LMX1B: variants seen among roughly 807,000 people sequenced by gnomAD.
The protein encoded by LMX1B is LIM homeobox transcription factor 1 beta, also known as LIM homeobox transcription factor 1-beta.
Under a neutral mutation model 51.4 loss-of-function variants are expected in LMX1B, and 12 were observed. The observed-to-expected ratio is 0.23, with a 90% CI of 0.15 to 0.38. LMX1B has a LOEUF of 0.38. Among genes scored for constraint, LMX1B ranks in the 10% least tolerant of loss-of-function variants. The pLI, the probability that LMX1B is intolerant of heterozygous loss-of-function variation, is 1.00. For missense variants in LMX1B, 445 were observed against 571.1 expected (o/e 0.78, Z 2.25); for synonymous variants, 237 against 235.4 (o/e 1.01, Z -0.06).
intron 2 of LMX1B, among the ~76,000 whole-genome samples, chr9:126,676,862 G>A (rs1031491609): frequency 2.6e-5 from 4 of 152,194 alleles, no homozygotes; most frequent in African/African-American, 9.7e-5. Context: ...TTAAAGCTAG[G>A]CGCTTTTTAA....
Position 126,641,606 on chromosome 9 carries a change from G to A in LMX1B, c.326+26037G>A, listed in dbSNP as rs547202850. 5.3e-4 allele frequency among the ~76,000 whole-genome samples: 81 copies of A among 152,180 alleles called. 1 individual carries two copies. Among genetic ancestry groups the A allele is most frequent in the Middle Eastern group, 6.8e-3 (2 of 294 alleles). ...GTTCCTCCCTGTCTTGCCACCTCCC[G>A]CTTCTGTTCAGCAGCTCAAGTTTCT... On this transcript the variant is annotated intron_variant, in intron 2 of 7. Transcript: ENST00000373474. The surrounding 1 kb of genome is among the most constrained non-coding windows in gnomAD (Gnocchi z 4.1).
intron 6 of LMX1B, among the ~76,000 whole-genome samples, chr9:126,694,033 A>G (rs2030244418): frequency 6.6e-6 from 1 of 152,228 alleles, no homozygotes; most frequent in South Asian, 2.1e-4. Context: ...ATCAGATCCC[A>G]GGGAACTTCT....
At chr9:126,662,597 G>A (rs1451535311) in intron 2 of LMX1B, among the ~76,000 whole-genome samples, 4 of 152,226 alleles carry the variant, frequency 2.6e-5, no homozygotes, top group Non-Finnish European at 4.4e-5. Context: ...CCCTCGGGAG[G>A]AAGGAGGCCT....
chr9:126,690,792 G>T, intron 2 of LMX1B, 44 bp from the exon 3 acceptor site: 1 of 1,534,522 alleles, frequency 6.5e-7, no homozygotes. Flanking sequence ...CCTCTGGGAG[G>T]GACTTCTGAG....
chr9:126,614,687 G>C, intron 1 of LMX1B, 99 bp downstream of exon 1: 1 of 1,288,022 alleles, frequency 7.8e-7, no homozygotes, highest in Non-Finnish European at 1.0e-6. Context: ...AAAGGAAATG[G>C]GTTTGCAGGA....
In LMX1B at chr9:126,671,569, A is replaced by G. The variant is rs1293148133; in HGVS notation, c.327-19267A>G. On this transcript the variant is annotated intron_variant, in intron 2 of 7. Transcript: ENST00000373474. This position sits in a 1 kb window ranked among gnomAD's most constrained non-coding sequence, Gnocchi z 4.4. ...TCCAGCCGGTATCCCGAGAGGCCGC[A>G]AAAACACAGACACCCCAGACGGGGC... 6.6e-6 allele frequency among the ~76,000 whole-genome samples: 1 copy of G among 152,202 alleles called. No individual in the cohort carries two copies. Among genetic ancestry groups the G allele is most frequent in the Non-Finnish European group, 1.5e-5 (1 of 68,028 alleles).
chr9:126,654,235 C>T (rs1165436732), intron 2 of LMX1B, among the ~76,000 whole-genome samples: 9 of 152,220 alleles, frequency 5.9e-5, no homozygotes, highest in Admixed American at 5.2e-4. Context: ...TTCAGCTGAA[C>T]GTCCTATCCC....
rs1835549269 is a variant in LMX1B at position 126,627,157 on chromosome 9, C to CT, written c.326+11589dup. ...ATGTGCCTGGTCACCAGAGTGGCCT[C>CT]TGAGTAGGGACCAGCAGGAAGAGAG... On this transcript the variant is annotated intron_variant, in intron 2 of 7. Transcript: ENST00000373474. 2.6e-5 allele frequency among the ~76,000 whole-genome samples: 4 copies of CT among 152,158 alleles called. No individual in the cohort carries two copies. In the South Asian group the frequency reaches 8.3e-4, roughly 32 times the overall value.
intron 2 of LMX1B, among the ~76,000 whole-genome samples, chr9:126,676,048 CA>C (rs34471786): frequency 0.14 from 11,521 of 82,446 alleles, 1,414 homozygotes; most frequent in African/African-American, 0.37. Flanking sequence ...GACTCCGTCT[CA>C]AAAAAAAAAA....
chr9:126,651,989 G>A (rs1836018947), intron 2 of LMX1B, among the ~76,000 whole-genome samples: 1 of 137,598 alleles, frequency 7.3e-6, no homozygotes, highest in Admixed American at 7.9e-5. Flanking sequence ...AGCCTCGGTA[G>A]TGGCCAGAGA....
chr9:126,694,761 C>A (rs1025733628), intron 6 of LMX1B, among the ~76,000 whole-genome samples: 1 of 152,170 alleles, frequency 6.6e-6, no homozygotes, highest in African/African-American at 2.4e-5. Context: ...CTCGCTTCCC[C>A]CTCTGCCCCT....
rs535541638 is a variant in LMX1B, at chr9:126,626,102, C to T, written c.326+10533C>T. On this transcript the variant is annotated intron_variant, in intron 2 of 7. Transcript: ENST00000373474. This position sits in a 1 kb window ranked among gnomAD's most constrained non-coding sequence, Gnocchi z 4.3. Reference sequence around the variant, plus strand: ...GCCCAAAGGCTCCAGTCAGTGGAACCGGAGGGGGACTTCGGAGGAATTTGT... The same window carrying T: ...GCCCAAAGGCTCCAGTCAGTGGAACTGGAGGGGGACTTCGGAGGAATTTGT... Among the ~76,000 whole-genome samples the T allele has an allele frequency of 9.8e-5, 15 of 152,350 alleles. No homozygotes were observed. The highest frequency in any genetic ancestry group is 3.1e-4 in the African/African-American group (13 of 41,592).
At position 126,693,231 on chromosome 9, in the gene LMX1B, C is replaced by T. The variant is rs1449604773; in HGVS notation, c.649C>T (p.Arg217Trp). 3.1e-6 allele frequency: 5 copies of T among 1,611,212 alleles called. No homozygotes were observed. Among genetic ancestry groups the T allele is most frequent in the South Asian group, 2.2e-5 (2 of 90,412 alleles). ...KGSGDDGKDPRRPKRPRTILT... is the reference protein window; with the variant it reads ...KGSGDDGKDPWRPKRPRTILT... ...CAGCGGGGATGACGGGAAGGACCCG[C>T]GGAGGCCCAAGCGACCCCGGACCAT... Residue 217 changes from arginine to tryptophan, a missense_variant, in exon 4 of 8, where the codon CGG becomes TGG. Physicochemically the swap from Arg to Trp is moderately radical, Grantham distance 101 (BLOSUM62 -3). Transcript: ENST00000373474.
At chr9:126,654,967 C>T (rs924588277) in intron 2 of LMX1B, among the ~76,000 whole-genome samples, 1 of 152,232 alleles carries the variant, frequency 6.6e-6, no homozygotes, top group Non-Finnish European at 1.5e-5. Context: ...TGCCATACCC[C>T]CATCCCCCAC....
intron 2 of LMX1B, among the ~76,000 whole-genome samples, chr9:126,642,097 C>T (rs1001128548): frequency 1.3e-5 from 2 of 152,118 alleles, no homozygotes; most frequent in Non-Finnish European, 2.9e-5. Flanking sequence ...AATGCCAAGG[C>T]AGTTTGTGCT....
intron 2 of LMX1B, among the ~76,000 whole-genome samples, chr9:126,680,317 G>T (rs1836650008): frequency 6.6e-6 from 1 of 152,166 alleles, no homozygotes; most frequent in Non-Finnish European, 1.5e-5. Context: ...AGCAGGAGCT[G>T]GGAGGCCCAG....
chr9:126,680,124 T>G (rs1836647382), intron 2 of LMX1B, among the ~76,000 whole-genome samples: 1 of 152,230 alleles, frequency 6.6e-6, no homozygotes, highest in Admixed American at 6.5e-5. Flanking sequence ...CTCTGGACTG[T>G]GGGCGCCATC....
Position 126,615,602 on chromosome 9 carries a change from G to T in LMX1B, c.326+33G>T. ...CTTCTCGTCCTCCTTCCCCGCCACC[G>T]CCCGGCACTCGAGCCCGGTCAGCCC... On this transcript the variant is annotated intron_variant, in intron 2 of 7. Coordinates refer to ENST00000373474, the MANE Select transcript of LMX1B (RefSeq NM_001174147.2). The surrounding 1 kb of genome is among the most constrained non-coding windows in gnomAD (Gnocchi z 6.0). 1.3e-6 allele frequency: 2 copies of T among 1,573,504 alleles called. No individual in the cohort carries two copies. The highest frequency in any genetic ancestry group is 1.7e-6 in the Non-Finnish European group (2 of 1,158,532).
intron 2 of LMX1B, among the ~76,000 whole-genome samples, chr9:126,632,155 G>A (rs1835646414): frequency 6.6e-6 from 1 of 152,216 alleles, no homozygotes; most frequent in Non-Finnish European, 1.5e-5. Context: ...TCCAGGTTGT[G>A]GGGAGAGCGA....
Sources: allele counts gnomAD v4.1 joint callset (sites outside exome capture counted in the v4.1 genomes callset), GRCh38; gene constraint gnomAD v4.1.1; non-coding constraint Gnocchi (gnomAD v3.1); transcripts MANE v1.5; gene names NCBI Gene and HGNC (gene_info 2026-07-23, HGNC 2026-07-21).